The following MIB1 variants were observed in gnomAD, a reference collection of about 807,000 sequenced individuals.
The protein encoded by MIB1 is E3 ubiquitin-protein ligase MIB1.
Under a neutral mutation model 124.5 loss-of-function variants are expected in MIB1, and 278 were observed. The observed-to-expected ratio is 2.23, with a 90% CI of 2.02 to 2.47. MIB1 has a LOEUF of 2.47. Among genes scored for constraint, MIB1 ranks in the 30% most tolerant of loss-of-function variants. The probability of loss-of-function intolerance (pLI) is 0.00; values close to 1 mark genes in which losing one functional copy is unlikely to be tolerated. For missense variants in MIB1, 957 were observed against 1,254.4 expected, an observed-to-expected ratio of 0.76 and a Z score of 3.58; for synonymous variants, 446 against 429.4, an observed-to-expected ratio of 1.04 and a Z score of -0.48.
chr18:21,742,739 A>G (rs1598587131), intron 1 of MIB1, among the ~76,000 whole-genome samples: 1 of 152,352 alleles, frequency 6.6e-6, no homozygotes, highest in East Asian at 1.9e-4. Context: ...TTCTGTAGAA[A>G]ATAGTTCACA....
intron 13 of MIB1, among the ~76,000 whole-genome samples, chr18:21,840,657 ATATATATAT>A (rs1356145131): frequency 0.012 from 21 of 1,684 alleles, no homozygotes; most frequent in African/African-American, 0.034. Flanking sequence ...ATATATATAT[ATATATATAT>A]TTTTTTTTTT....
chr18:21,864,609 C>T lies in MIB1; in HGVS notation c.2964C>T (p.Arg988=). The part of the protein sequence containing the change: ...GHGTCQLCGD[R]MSECPICRKA... ...GAACCTGTCAACTCTGTGGAGACCG[C>T]ATGAGTGAATGTCCTATCTGTCGCA... Residue 988 remains arginine, a synonymous_variant, in exon 21 of 21, where the codon CGC becomes CGT. Transcript: ENST00000261537. 5 of 1,613,384 alleles carry T rather than the reference C, an allele frequency of 3.1e-6. No individual in the cohort carries two copies. Among genetic ancestry groups the T allele is most frequent in the Non-Finnish European group, 4.2e-6 (5 of 1,179,374 alleles).
At chr18:21,832,728 A>G (rs1039593747) in intron 12 of MIB1, among the ~76,000 whole-genome samples, 8 of 152,298 alleles carry the variant, frequency 5.3e-5, no homozygotes, top group Admixed American at 5.2e-4. Context: ...GTCTGTTTTA[A>G]AACAGTGGCA....
intron 20 of MIB1, among the ~76,000 whole-genome samples, chr18:21,863,983 C>T (rs1028178032): frequency 3.3e-5 from 5 of 151,780 alleles, no homozygotes; most frequent in South Asian, 2.1e-4. Context: ...TCCAGCCTGG[C>T]GACAGAGTGA....
intron 5 of MIB1, among the ~76,000 whole-genome samples, chr18:21,778,867 A>G (rs1299547067): frequency 2.0e-5 from 3 of 152,108 alleles, no homozygotes; most frequent in African/African-American, 7.2e-5. Context: ...GCTTTCACAA[A>G]ACAAGCTTTC....
chr18:21,853,979 C>T (rs1027960909), intron 18 of MIB1, among the ~76,000 whole-genome samples: 8 of 141,188 alleles, frequency 5.7e-5, no homozygotes, highest in Non-Finnish European at 1.1e-4. Context: ...ATTCTCGTGT[C>T]CTCCGCCTAG....
Position 21,868,139 on chromosome 18 carries a change from C to T in MIB1, c.*3473C>T, listed in dbSNP as rs1428662511. 2 of 151,828 alleles carry T rather than the reference C, an allele frequency of 1.3e-5. No homozygotes were observed. Among genetic ancestry groups the T allele is most frequent in the Non-Finnish European group, 2.9e-5 (2 of 67,868 alleles). 9.4% of individuals were successfully genotyped at this position (151,828 alleles called of 1,614,324 possible). A position where few individuals can be genotyped will look rare whatever the true frequency, so the allele number is the denominator to read the frequency against. ...ATTTTTTGTGATGAAAAACTCATAACATAAAATTTACCATATTAACTGTTT... is the reference window on the plus strand; with the variant it reads ...ATTTTTTGTGATGAAAAACTCATAATATAAAATTTACCATATTAACTGTTT... On this transcript the variant is annotated 3_prime_UTR_variant, in exon 21 of 21. Coordinates refer to ENST00000261537, the MANE Select transcript of MIB1 (RefSeq NM_020774.4).
chr18:21,778,249 A>G (rs1245136816), intron 5 of MIB1, 80 bp downstream of exon 5: 12 of 1,048,524 alleles, frequency 1.1e-5, no homozygotes, highest in Middle Eastern at 2.0e-4. Flanking sequence ...ATTGGATGTT[A>G]GAAAAGTTAA....
chr18:21,836,789 C>T (rs892453792), intron 12 of MIB1, among the ~76,000 whole-genome samples: 2 of 152,140 alleles, frequency 1.3e-5, no homozygotes, highest in Non-Finnish European at 2.9e-5. Flanking sequence ...TTTTGTTTCT[C>T]ACATGCTCAA....
At chr18:21,763,470 C>T (rs2041122530) in intron 1 of MIB1, among the ~76,000 whole-genome samples, 2 of 152,128 alleles carry the variant, frequency 1.3e-5, no homozygotes, top group Non-Finnish European at 2.9e-5. Flanking sequence ...ATCTACTCGT[C>T]CATCATTTCT....
At chr18:21,753,429 C>A (rs1246614437) in intron 1 of MIB1, among the ~76,000 whole-genome samples, 4 of 152,082 alleles carry the variant, frequency 2.6e-5, no homozygotes, top group Non-Finnish European at 5.9e-5. Flanking sequence ...CTCAAGTGAT[C>A]CACCTACCTT....
chr18:21,748,498 T>TGCAA (rs966299587), intron 1 of MIB1, among the ~76,000 whole-genome samples: 4 of 150,968 alleles, frequency 2.6e-5, no homozygotes, highest in Non-Finnish European at 5.9e-5. Context: ...GGTGCAGTCT[T>TGCAA]GGCTCACTGC....
chr18:21,773,135 A>G (rs1256129184), intron 3 of MIB1, among the ~76,000 whole-genome samples: 3 of 152,018 alleles, frequency 2.0e-5, no homozygotes, highest in Non-Finnish European at 2.9e-5. Context: ...GCGTGGTGAC[A>G]GGCACCTGTA....
At chr18:21,830,132 T>TA (rs2041965149) in intron 12 of MIB1, among the ~76,000 whole-genome samples, 1 of 151,640 alleles carries the variant, frequency 6.6e-6, no homozygotes, top group Non-Finnish European at 1.5e-5. Flanking sequence ...AATGTAGCAG[T>TA]AGATAGCCCA....
chr18:21,743,601 T>C (rs540402441), intron 1 of MIB1, among the ~76,000 whole-genome samples: 1 of 152,322 alleles, frequency 6.6e-6, no homozygotes, highest in Non-Finnish European at 1.5e-5. Context: ...CCAGCAACAG[T>C]GTTTGAGGCC....
At chr18:21,719,917 C>T (rs890638785) in intron 1 of MIB1, among the ~76,000 whole-genome samples, 3 of 152,026 alleles carry the variant, frequency 2.0e-5, no homozygotes, top group Non-Finnish European at 4.4e-5. Flanking sequence ...CCTAACTAAA[C>T]AATGGAAAAG....
chr18:21,850,736 G>A (rs925461932), intron 17 of MIB1, among the ~76,000 whole-genome samples: 16 of 152,100 alleles, frequency 1.1e-4, no homozygotes, highest in Non-Finnish European at 1.3e-4. Flanking sequence ...GTATTAAATA[G>A]GTGTTAACCC....
At chr18:21,810,765 T>C (rs982500785) in intron 10 of MIB1, among the ~76,000 whole-genome samples, 31 of 151,762 alleles carry the variant, frequency 2.0e-4, no homozygotes, top group African/African-American at 6.5e-4. Flanking sequence ...AAGTGCGATA[T>C]AAAACTATAA....
intron 1 of MIB1, among the ~76,000 whole-genome samples, chr18:21,742,727 G>C (rs189397314): frequency 6.6e-6 from 1 of 152,234 alleles, no homozygotes; most frequent in Admixed American, 6.5e-5. Flanking sequence ...ATTTATCCTT[G>C]ATTCTGTAGA....
Sources: allele counts gnomAD v4.1 joint callset (sites outside exome capture counted in the v4.1 genomes callset), GRCh38; gene constraint gnomAD v4.1.1; transcripts MANE v1.5; gene names NCBI Gene and HGNC (gene_info 2026-07-23, HGNC 2026-07-21).